The following PODXL2 variants were observed in gnomAD, a reference collection of about 807,000 sequenced individuals.
PODXL2 encodes podocalyxin like 2, also known as podocalyxin-like protein 2.
A neutral mutation model predicts 53.4 loss-of-function variants in PODXL2; 17 were observed. That is an observed-to-expected ratio of 0.32 (90% CI 0.22 to 0.48). PODXL2 has a LOEUF of 0.48. PODXL2 is among the 20% of genes least tolerant of loss of function. The pLI is 0.99. For missense variants in PODXL2, 673 were observed against 760.0 expected, an observed-to-expected ratio of 0.89 and a Z score of 1.35; for synonymous variants, 311 against 306.7, an observed-to-expected ratio of 1.01 and a Z score of -0.15.
intron 1 of PODXL2, among the ~76,000 whole-genome samples, chr3:127,630,405 A>T (rs527823280): frequency 6.6e-6 from 1 of 152,206 alleles, no homozygotes; most frequent in East Asian, 1.9e-4. Flanking sequence ...GCGTCCTAGT[A>T]TGATGTGTGT....
intron 2 of PODXL2, among the ~76,000 whole-genome samples, chr3:127,657,263 C>G (rs2074731290): frequency 6.6e-6 from 1 of 152,282 alleles, no homozygotes; most frequent in African/African-American, 2.4e-5. Flanking sequence ...GTAGAGAGAT[C>G]GTTTTAGTCA....
intron 7 of PODXL2, 42 bp downstream of exon 7, chr3:127,671,655 A>ATCCT: frequency 6.3e-7 from 1 of 1,583,030 alleles, no homozygotes; most frequent in Non-Finnish European, 8.6e-7. Context: ...AGTTGAGAGG[A>ATCCT]GAGTGCCCAT....
At chr3:127,632,025 G>A (rs1325529503) in intron 1 of PODXL2, among the ~76,000 whole-genome samples, 1 of 152,254 alleles carries the variant, frequency 6.6e-6, no homozygotes, top group Non-Finnish European at 1.5e-5. Context: ...TGGCTTGACA[G>A]GTGGGAGAGC....
Position 127,660,678 on chromosome 3 carries a change from C to G in PODXL2, c.650C>G (p.Ala217Gly). Residue 217 changes from alanine to glycine, a missense_variant, in exon 3 of 8, where the codon GCC (alanine) becomes GGC (glycine). By Grantham distance (60) the Ala-to-Gly change is moderately conservative (BLOSUM62 0). Transcript: ENST00000342480. Reference protein sequence around the residue: ...SLTSSSQTPGATKSRHEDSGD... With the variant: ...SLTSSSQTPGGTKSRHEDSGD... ...ACCAGCAGCAGCCAGACCCCAGGGG[C>G]CACCAAAAGCAGGCATGAAGACTCC... is the stretch of plus-strand genomic sequence containing the variant. 1.9e-6 allele frequency: 3 copies of G among 1,614,194 alleles called. No individual in the cohort carries two copies. Among genetic ancestry groups the G allele is most frequent in the Non-Finnish European group, 2.5e-6 (3 of 1,180,044 alleles).
intron 2 of PODXL2, among the ~76,000 whole-genome samples, chr3:127,642,896 A>C (rs1479799514): frequency 6.6e-6 from 1 of 152,140 alleles, no homozygotes; most frequent in African/African-American, 2.4e-5. Flanking sequence ...CCTAAGCCTC[A>C]GTTTCCCATC....
At chr3:127,650,430 A>T (rs1055642056) in intron 2 of PODXL2, among the ~76,000 whole-genome samples, 4 of 152,222 alleles carry the variant, frequency 2.6e-5, no homozygotes, top group African/African-American at 9.6e-5. Context: ...CTGGAGCTGC[A>T]TCTGAGCCAG....
chr3:127,654,799 G>A (rs2074711426), intron 2 of PODXL2, among the ~76,000 whole-genome samples: 2 of 152,086 alleles, frequency 1.3e-5, no homozygotes. Flanking sequence ...ATAATGGCAG[G>A]CGGATGGCCA....
intron 4 of PODXL2, chr3:127,665,952 G>C: frequency 2.1e-6 from 1 of 470,344 alleles, no homozygotes; most frequent in Non-Finnish European, 4.3e-6. Flanking sequence ...TGGGCCCCAG[G>C]TGTGCTCATG....
chr3:127,669,198 A>AG lies in PODXL2; in HGVS notation c.1423dup (p.Glu475GlyfsTer?). 1 of 1,604,744 alleles carries AG rather than the reference A, an allele frequency of 6.2e-7. No homozygotes were observed. The highest frequency in any genetic ancestry group is 8.5e-7 in the Non-Finnish European group (1 of 1,175,216). The stretch of plus-strand genomic sequence containing the variant: ...CTGGGTGACATCCGCAGGAGCCTGG[A>AG]GGAGGTAAGAGTGCAGGGACCTGGA... On this transcript the variant is annotated frameshift_variant, in exon 6 of 8. Coordinates refer to ENST00000342480, the MANE Select transcript of PODXL2 (RefSeq NM_015720.4). LOFTEE classifies it high-confidence loss of function.
chr3:127,647,534 C>A (rs772166293), intron 2 of PODXL2, among the ~76,000 whole-genome samples: 1 of 152,208 alleles, frequency 6.6e-6, no homozygotes, highest in Non-Finnish European at 1.5e-5. Flanking sequence ...GACAGGCTCA[C>A]GGGCCTGTCT....
chr3:127,661,327 A>G (rs1001933991), intron 3 of PODXL2, among the ~76,000 whole-genome samples, 168 bp downstream of exon 3: 4 of 152,216 alleles, frequency 2.6e-5, no homozygotes, highest in Non-Finnish European at 4.4e-5. Flanking sequence ...CTCAGGGCCA[A>G]CAATGGGTGT....
intron 6 of PODXL2, among the ~76,000 whole-genome samples, chr3:127,669,674 G>A (rs7634281): frequency 0.15 from 22,233 of 152,204 alleles, 2,178 homozygotes; most frequent in Non-Finnish European, 0.2. Context: ...GTGCTTGCAC[G>A]GCCAGGCCCT....
At chr3:127,664,627 G>A (rs148883069) in intron 4 of PODXL2, among the ~76,000 whole-genome samples, 152 of 152,070 alleles carry the variant, frequency 1.0e-3, no homozygotes, top group Non-Finnish European at 1.9e-3. Context: ...CCAGCACTAG[G>A]GTTCCAGTGT....
intron 2 of PODXL2, among the ~76,000 whole-genome samples, chr3:127,656,804 G>A (rs1366679810): frequency 6.8e-6 from 1 of 147,352 alleles, no homozygotes; most frequent in East Asian, 2.0e-4. Flanking sequence ...CAGCTACTCA[G>A]GAGACTGAGG....
At chr3:127,660,072 G>T (rs1000929854) in intron 2 of PODXL2, among the ~76,000 whole-genome samples, 1 of 152,220 alleles carries the variant, frequency 6.6e-6, no homozygotes, top group African/African-American at 2.4e-5. Flanking sequence ...TACAAACACA[G>T]TGGAGAATAT....
At chr3:127,630,560 G>A (rs541123825) in intron 1 of PODXL2, among the ~76,000 whole-genome samples, 18 of 152,284 alleles carry the variant, frequency 1.2e-4, no homozygotes, top group Admixed American at 2.6e-4. Context: ...GGGAAGGGAG[G>A]AACAGTCTTT....
intron 2 of PODXL2, among the ~76,000 whole-genome samples, chr3:127,647,967 C>T (rs1334626972): frequency 6.6e-6 from 1 of 152,158 alleles, no homozygotes; most frequent in Non-Finnish European, 1.5e-5. Flanking sequence ...CATGAGACAA[C>T]AGTACTGTGC....
intron 2 of PODXL2, among the ~76,000 whole-genome samples, chr3:127,655,497 C>T (rs1004837390): frequency 2.0e-5 from 3 of 152,164 alleles, no homozygotes; most frequent in Non-Finnish European, 2.9e-5. Context: ...CTCTGCACTG[C>T]GGACTGTGCG....
chr3:127,642,291 G>GGAAAAAA (rs1271994297), intron 2 of PODXL2, among the ~76,000 whole-genome samples: 1 of 77,248 alleles, frequency 1.3e-5, no homozygotes, highest in African/African-American at 4.4e-5. Context: ...CTCCATCTCA[G>GGAAAAAA]AAAAAAAAAA....
Sources: allele counts gnomAD v4.1 joint callset (sites outside exome capture counted in the v4.1 genomes callset), GRCh38; gene constraint gnomAD v4.1.1; transcripts MANE v1.5; gene names NCBI Gene and HGNC (gene_info 2026-07-23, HGNC 2026-07-21).